Variants in CFAP299 observed in about 807,000 individuals in gnomAD.
CFAP299 encodes cilia- and flagella-associated protein 299.
Under a neutral mutation model 27.0 loss-of-function variants are expected in CFAP299, and 21 were observed. That is an observed-to-expected ratio of 0.78 (90% CI 0.55 to 1.12). The LOEUF is 1.12. Ranked by LOEUF, CFAP299 falls within the 50% of genes most tolerant of loss-of-function variation. The pLI, the probability that CFAP299 is intolerant of heterozygous loss-of-function variation, is 0.00. For missense variants in CFAP299, 310 were observed against 276.6 expected, an observed-to-expected ratio of 1.12 and a Z score of -0.86; for synonymous variants, 104 against 98.1, an observed-to-expected ratio of 1.06 and a Z score of -0.36.
intron 4 of CFAP299, among the ~76,000 whole-genome samples, chr4:80,932,995 C>T (rs1736698140): frequency 6.6e-6 from 1 of 151,972 alleles, no homozygotes; most frequent in African/African-American, 2.4e-5. Flanking sequence ...TTCTATATTC[C>T]ATTTTATTAA....
At chr4:80,555,610 G>A (rs1261926459) in intron 2 of CFAP299, among the ~76,000 whole-genome samples, 1 of 152,068 alleles carries the variant, frequency 6.6e-6, no homozygotes, top group East Asian at 1.9e-4. Context: ...GAATTTGGCT[G>A]TAAGTCCATC....
chr4:80,481,209 T>C (rs370759567), intron 2 of CFAP299, among the ~76,000 whole-genome samples: 1 of 152,032 alleles, frequency 6.6e-6, no homozygotes, highest in African/African-American at 2.4e-5. Flanking sequence ...CAGTACTCTA[T>C]TGACAATGAG....
intron 4 of CFAP299, among the ~76,000 whole-genome samples, chr4:80,918,962 T>A (rs978132763): frequency 1.3e-5 from 2 of 152,062 alleles, no homozygotes; most frequent in Admixed American, 6.6e-5. Flanking sequence ...GTGGCTGAGA[T>A]GTCCAGCAGA....
intron 3 of CFAP299, among the ~76,000 whole-genome samples, chr4:80,727,813 G>A (rs529509983): frequency 6.6e-6 from 1 of 151,774 alleles, no homozygotes; most frequent in African/African-American, 2.4e-5. Flanking sequence ...CCATTGACAA[G>A]CAAAATATTT....
intron 3 of CFAP299, among the ~76,000 whole-genome samples, chr4:80,855,370 T>A (rs1034161948): frequency 1.3e-5 from 2 of 151,928 alleles, no homozygotes; most frequent in Non-Finnish European, 2.9e-5. Context: ...ATAAATCATC[T>A]TATTCTTTTT....
At chr4:80,726,781 A>G (rs2110051179) in intron 3 of CFAP299, among the ~76,000 whole-genome samples, 1 of 152,292 alleles carries the variant, frequency 6.6e-6, no homozygotes, top group East Asian at 1.9e-4. Context: ...CTTGAAGTTG[A>G]TTTAAATTAA....
chr4:80,667,887 G>A (rs1741221175), intron 3 of CFAP299, among the ~76,000 whole-genome samples: 1 of 151,610 alleles, frequency 6.6e-6, no homozygotes, highest in Non-Finnish European at 1.5e-5. Flanking sequence ...AATTTTTTTA[G>A]GAACCTCCAT....
chr4:80,378,524 A>G (rs1321576636), intron 2 of CFAP299, among the ~76,000 whole-genome samples: 1 of 151,920 alleles, frequency 6.6e-6, no homozygotes, highest in Non-Finnish European at 1.5e-5. Flanking sequence ...CTCATTATTA[A>G]ATATGTTAGC....
At chr4:80,524,808 A>G (rs1733091651) in intron 2 of CFAP299, among the ~76,000 whole-genome samples, 3 of 152,210 alleles carry the variant, frequency 2.0e-5, no homozygotes, top group Admixed American at 2.0e-4. Context: ...CTCATCTATT[A>G]TGTCATGGTT....
intron 3 of CFAP299, among the ~76,000 whole-genome samples, chr4:80,601,992 T>A (rs1477930828): frequency 6.6e-6 from 1 of 152,216 alleles, no homozygotes; most frequent in East Asian, 1.9e-4. Flanking sequence ...TTCTCACTTA[T>A]AAGCGGGAGC....
intron 2 of CFAP299, among the ~76,000 whole-genome samples, chr4:80,533,708 A>G (rs1349578229): frequency 1.3e-5 from 2 of 152,210 alleles, no homozygotes; most frequent in Non-Finnish European, 2.9e-5. Context: ...AAAGCCTTTT[A>G]ATGCAAATCA....
intron 4 of CFAP299, among the ~76,000 whole-genome samples, chr4:80,934,611 A>G (rs1234606916): frequency 6.6e-6 from 1 of 151,352 alleles, no homozygotes; most frequent in African/African-American, 2.4e-5. Flanking sequence ...TTTTTTCAAG[A>G]TTCAATCTTG....
chr4:80,518,154 A>G (rs527459782), intron 2 of CFAP299, among the ~76,000 whole-genome samples: 2 of 152,128 alleles, frequency 1.3e-5, no homozygotes, highest in Admixed American at 6.6e-5. Context: ...AGAGATTAAG[A>G]TTATTCATAT....
chr4:80,552,863 G>GT (rs1259371282), intron 2 of CFAP299, among the ~76,000 whole-genome samples: 2 of 151,996 alleles, frequency 1.3e-5, no homozygotes, highest in Non-Finnish European at 2.9e-5. Context: ...AATTTTTAAA[G>GT]TTTTTAGAGA....
chr4:80,559,851 G>A (rs1307931362), intron 2 of CFAP299, among the ~76,000 whole-genome samples: 1 of 152,152 alleles, frequency 6.6e-6, no homozygotes, highest in African/African-American at 2.4e-5. Flanking sequence ...TCACTACTGA[G>A]GGCTACTGTA....
chr4:80,556,176 A>T (rs1437613281), intron 2 of CFAP299, among the ~76,000 whole-genome samples: 1 of 152,060 alleles, frequency 6.6e-6, no homozygotes, highest in Non-Finnish European at 1.5e-5. Context: ...GAGCCCTGGA[A>T]GTTTTGTCTC....
intron 3 of CFAP299, among the ~76,000 whole-genome samples, chr4:80,799,071 G>C (rs1265959941): frequency 7.0e-6 from 1 of 143,076 alleles, no homozygotes; most frequent in African/African-American, 2.6e-5. Context: ...TTCTGTAAAG[G>C]AACAGAACTA....
chr4:80,707,210 C>T lies in CFAP299; in HGVS notation c.333+124027C>T, dbSNP rs147377936. On this transcript the variant is annotated intron_variant, in intron 3 of 5. Transcript: ENST00000358105. ...TAGAACAGGGGCTGGAATATTATGA[C>T]AGCCTGTGGGCCAAATCTCTTTCTT... Among the ~76,000 whole-genome samples the T allele has an allele frequency of 4.3e-3, 651 of 152,012 alleles. 5 individuals are homozygous for T. The highest frequency in any genetic ancestry group is 6.8e-3 in the Middle Eastern group (2 of 294).
Position 80,397,728 on chromosome 4 carries a change from T to C in CFAP299, c.242+34844T>C, listed in dbSNP as rs561621622. 8.5e-5 allele frequency among the ~76,000 whole-genome samples: 13 copies of C among 152,298 alleles called. No individual in the cohort carries two copies. The South Asian group carries it at 2.7e-3, about 32-fold the overall frequency. The stretch of plus-strand genomic sequence containing the variant: ...ATTTATGACAAACCCACAGCCAGTA[T>C]CATACTGAGTGGGCACAAACTGGAA... On this transcript the variant is annotated intron_variant, in intron 2 of 5. Transcript: ENST00000358105.
Sources: gnomAD v4.1 joint callset for allele counts (sites outside exome capture counted in the v4.1 genomes callset) on GRCh38, gnomAD v4.1.1 for gene constraint, MANE v1.5 for transcripts, NCBI Gene and HGNC (gene_info 2026-07-23, HGNC 2026-07-21) for gene names.